The following HERC1 variants were observed in gnomAD, a reference collection of about 807,000 sequenced individuals.
The protein encoded by HERC1 is HECT and RLD domain containing E3 ubiquitin protein ligase family member 1.
A neutral mutation model predicts 554.3 loss-of-function variants in HERC1; 160 were observed. The ratio of observed to expected loss-of-function variants is 0.29; its 90% CI spans 0.25 to 0.33. HERC1 has a LOEUF of 0.33. HERC1 is among the 10% of genes least tolerant of loss of function. The pLI, the probability that HERC1 is intolerant of heterozygous loss-of-function variation, is 1.00. For synonymous variants in HERC1, 2,175 were observed against 2,131.7 expected, an observed-to-expected ratio of 1.02 and a Z score of -0.56; for missense variants, 4,919 against 5,918.5, an observed-to-expected ratio of 0.83 and a Z score of 5.54.
chr15:63,784,618 T>C (rs4984314), intron 1 of HERC1, among the ~76,000 whole-genome samples: 7 of 136,076 alleles, frequency 5.1e-5, no homozygotes, highest in African/African-American at 1.7e-4. Context: ...TTTTTTTTTT[T>C]CCTTTTTGAG....
chr15:63,730,574 G>T (rs1345987923), intron 14 of HERC1, among the ~76,000 whole-genome samples: 1 of 152,094 alleles, frequency 6.6e-6, no homozygotes, highest in Non-Finnish European at 1.5e-5. Flanking sequence ...GACATTATAG[G>T]GGCAACTGTA....
intron 74 of HERC1, among the ~76,000 whole-genome samples, chr15:63,618,209 C>T (rs916564838): frequency 2.6e-5 from 4 of 151,268 alleles, no homozygotes; most frequent in Non-Finnish European, 4.4e-5. Flanking sequence ...GATCCAGTTT[C>T]AGCTTTCTAC....
At chr15:63,817,073 G>A (rs1379190005) in intron 1 of HERC1, among the ~76,000 whole-genome samples, 2 of 151,972 alleles carry the variant, frequency 1.3e-5, no homozygotes, top group African/African-American at 4.8e-5. Context: ...GAGACTAAGG[G>A]AAACTTATCA....
intron 74 of HERC1, 144 bp from the exon 75 acceptor site, chr15:63,616,826 A>G (rs2152730985): frequency 1.4e-6 from 1 of 731,534 alleles, no homozygotes; most frequent in Admixed American, 2.9e-5. Context: ...GTAATTAAAT[A>G]AAACTAAAAA....
At chr15:63,720,789 C>G (rs2073785855) in intron 19 of HERC1, among the ~76,000 whole-genome samples, 1 of 152,078 alleles carries the variant, frequency 6.6e-6, no homozygotes, top group African/African-American at 2.4e-5. Flanking sequence ...TTCAAGGAAC[C>G]TAATATTCAA....
At chr15:63,620,373 T>G (rs1204409212) in intron 74 of HERC1, among the ~76,000 whole-genome samples, 1 of 152,040 alleles carries the variant, frequency 6.6e-6, no homozygotes, top group Non-Finnish European at 1.5e-5. Context: ...TTGTTATAAT[T>G]TCTGTTCTTT....
chr15:63,630,714 T>C, intron 68 of HERC1, 79 bp from the exon 69 acceptor site: 1 of 1,413,008 alleles, frequency 7.1e-7, no homozygotes, highest in South Asian at 1.4e-5. Context: ...TGATCAGTCA[T>C]TTAGCTTATT....
chr15:63,771,809 G>C (rs1567109770), intron 2 of HERC1, among the ~76,000 whole-genome samples: 1 of 152,088 alleles, frequency 6.6e-6, no homozygotes, highest in South Asian at 2.1e-4. Context: ...AGAGGAAGGA[G>C]GGAGGAACCT....
intron 1 of HERC1, among the ~76,000 whole-genome samples, chr15:63,787,301 C>CATG (rs1201353941): frequency 6.6e-6 from 1 of 151,618 alleles, no homozygotes; most frequent in Non-Finnish European, 1.5e-5. Context: ...GGACTACAGG[C>CATG]ATGCACCACC....
At position 63,677,147 on chromosome 15, in the gene HERC1, G is replaced by T. The variant is rs1202353991; in HGVS notation, c.7070+698C>A. ...GAAACTTTTTGAGCACCAACATGAT[G>T]CTCAATGGAAATATTCATTGGAGCA... On this transcript the variant is annotated intron_variant, in intron 37 of 77. Transcript: ENST00000443617. This position sits in a 1 kb window ranked among gnomAD's most constrained non-coding sequence, Gnocchi z 4.4. Among the ~76,000 whole-genome samples the T allele has an allele frequency of 6.6e-6, 1 of 152,142 alleles. No individual in the cohort carries two copies. Among genetic ancestry groups the T allele is most frequent in the African/African-American group, 2.4e-5 (1 of 41,444 alleles).
intron 61 of HERC1, among the ~76,000 whole-genome samples, chr15:63,639,776 T>C (rs1056813538): frequency 1.3e-5 from 2 of 152,204 alleles, no homozygotes; most frequent in African/African-American, 4.8e-5. Flanking sequence ...AAAGACATGA[T>C]TGAAATGCCA....
chr15:63,778,510 T>C lies in HERC1; in HGVS notation c.-26-2861A>G, dbSNP rs2076180283. Among the ~76,000 whole-genome samples the C allele has an allele frequency of 2.6e-5, 4 of 152,266 alleles. No homozygotes were observed. In the South Asian group the frequency reaches 8.3e-4, roughly 32 times the overall value. On this transcript the variant is annotated intron_variant, in intron 1 of 77. Coordinates refer to ENST00000443617, the MANE Select transcript of HERC1 (RefSeq NM_003922.4). ...AAAAGCAAAAAGGAAGAGAGAAGCA[T>C]GCTTTAACAACTGAGTGGTGAAGGG...
intron 2 of HERC1, among the ~76,000 whole-genome samples, chr15:63,766,092 T>C (rs1685224875): frequency 1.3e-5 from 2 of 152,084 alleles, no homozygotes; most frequent in African/African-American, 4.8e-5. Flanking sequence ...TGGGCTCAAG[T>C]GATCCTCCCA....
At chr15:63,620,154 C>T (rs2068010020) in intron 74 of HERC1, among the ~76,000 whole-genome samples, 1 of 152,116 alleles carries the variant, frequency 6.6e-6, no homozygotes, top group African/African-American at 2.4e-5. Context: ...TCCCTCTACA[C>T]ACTGCTTTGA....
chr15:63,719,105 A>G (rs2073695066), intron 19 of HERC1, among the ~76,000 whole-genome samples: 1 of 152,228 alleles, frequency 6.6e-6, no homozygotes, highest in Non-Finnish European at 1.5e-5. Flanking sequence ...AACAGAGCTT[A>G]TATTATTGTT....
chr15:63,737,481 GATATATAT>G (rs1162968549), intron 12 of HERC1, among the ~76,000 whole-genome samples: 1 of 45,180 alleles, frequency 2.2e-5, no homozygotes, highest in Non-Finnish European at 4.6e-5. Flanking sequence ...CTTTTTTCCA[GATATATAT>G]ATATACATAT....
intron 47 of HERC1, among the ~76,000 whole-genome samples, chr15:63,659,365 C>T (rs1451684565): frequency 2.6e-5 from 4 of 152,122 alleles, no homozygotes; most frequent in Non-Finnish European, 5.9e-5. Flanking sequence ...AATTTTTCTG[C>T]CTCAGCCTCC....
intron 3 of HERC1, 83 bp downstream of exon 3, chr15:63,764,013 A>G: frequency 1.1e-6 from 1 of 934,834 alleles, no homozygotes; most frequent in African/African-American, 1.6e-5. Flanking sequence ...TTCCAGAGAA[A>G]ATGGATTATT....
chr15:63,623,838 GCTTAA>G lies in HERC1; in HGVS notation c.13493_13497del (p.Val4498AlafsTer16). 6.2e-7 allele frequency: 1 copy of G among 1,614,002 alleles called. No individual in the cohort carries two copies. Among genetic ancestry groups the G allele is most frequent in the Non-Finnish European group, 8.5e-7 (1 of 1,179,880 alleles). On this transcript the variant is annotated frameshift_variant, in exon 73 of 78. Coordinates refer to ENST00000443617, the MANE Select transcript of HERC1 (RefSeq NM_003922.4). LOFTEE classifies it high-confidence loss of function. ...GGCAGGCGGAGGTCTGAAGCATTCA[GCTTAA>G]CTACTTGTCTCGCTATTTGGACAAA...
Sources: allele counts gnomAD v4.1 joint callset (sites outside exome capture counted in the v4.1 genomes callset), GRCh38; gene constraint gnomAD v4.1.1; non-coding constraint Gnocchi (gnomAD v3.1); transcripts MANE v1.5; gene names NCBI Gene and HGNC (gene_info 2026-07-23, HGNC 2026-07-21).